Variants in ROBO1 observed in about 807,000 individuals in gnomAD.
ROBO1 encodes roundabout guidance receptor 1.
ROBO1 carries 149 observed loss-of-function variants against 195.9 expected under a neutral mutation model. The ratio of observed to expected loss-of-function variants is 0.76; its 90% CI spans 0.67 to 0.87. ROBO1 has a LOEUF of 0.87. Ranked by LOEUF, ROBO1 falls within the 40% of genes least tolerant of loss-of-function variation. ROBO1 has a pLI of 0.00. For missense variants in ROBO1, 1,933 were observed against 2,068.3 expected (o/e 0.93, Z 1.27); for synonymous variants, 816 against 733.2 (o/e 1.11, Z -1.82).
At chr3:79,517,555 A>C (rs528182315) in intron 2 of ROBO1, among the ~76,000 whole-genome samples, 1 of 152,092 alleles carries the variant, frequency 6.6e-6, no homozygotes, top group African/African-American at 2.4e-5. Context: ...CACCTCCTTC[A>C]TATCTGTGAC....
At chr3:79,590,008 A>G (rs940366032) in intron 1 of ROBO1, 47 bp from the exon 2 acceptor site, 3 of 777,580 alleles carry the variant, frequency 3.9e-6, no homozygotes, top group Non-Finnish European at 6.4e-6. Flanking sequence ...AGCTATGCTG[A>G]GAAACAATTA....
At position 79,428,196 on chromosome 3, in the gene ROBO1, A is replaced by T. The variant is rs1267439990; in HGVS notation, c.88+161628T>A. On this transcript the variant is annotated intron_variant, in intron 2 of 30. Coordinates refer to ENST00000464233, the MANE Select transcript of ROBO1 (RefSeq NM_002941.4). ...ATATAAGTGGCAAACAGGTATATAA[A>T]AAGGTGTCCAATAGAGGTATCAGAG... Among the ~76,000 whole-genome samples, 5 of 152,248 alleles carry T rather than the reference A, an allele frequency of 3.3e-5. No individual in the cohort carries two copies. The South Asian group carries it at 1.0e-3, about 32-fold the overall frequency.
chr3:79,695,551 G>GA (rs560496831), intron 1 of ROBO1, among the ~76,000 whole-genome samples: 2 of 151,332 alleles, frequency 1.3e-5, no homozygotes, highest in Non-Finnish European at 3.0e-5. Context: ...AAACAAAACA[G>GA]AAAACACCAA....
At chr3:78,988,317 C>T (rs2077159725) in intron 3 of ROBO1, among the ~76,000 whole-genome samples, 1 of 152,042 alleles carries the variant, frequency 6.6e-6, no homozygotes, top group Non-Finnish European at 1.5e-5. Context: ...CACAAAATTA[C>T]CAGACTTCTC....
chr3:78,644,103 C>T (rs1380226606), intron 21 of ROBO1, among the ~76,000 whole-genome samples: 2 of 151,968 alleles, frequency 1.3e-5, no homozygotes, highest in East Asian at 3.9e-4. Flanking sequence ...CCTCTCTGAT[C>T]TCACTAGATC....
At chr3:79,287,563 C>A (rs563747838) in intron 2 of ROBO1, among the ~76,000 whole-genome samples, 2 of 152,236 alleles carry the variant, frequency 1.3e-5, no homozygotes, top group African/African-American at 2.4e-5. Flanking sequence ...AACACAATGA[C>A]TAGTTATCCC....
chr3:79,735,625 C>T (rs1486393553), intron 1 of ROBO1, among the ~76,000 whole-genome samples: 1 of 152,136 alleles, frequency 6.6e-6, no homozygotes, highest in Non-Finnish European at 1.5e-5. Flanking sequence ...AATCCCAGCA[C>T]TTTGGGAGGC....
At chr3:78,903,678 T>C (rs2037723523) in intron 4 of ROBO1, among the ~76,000 whole-genome samples, 1 of 152,116 alleles carries the variant, frequency 6.6e-6, no homozygotes, top group African/African-American at 2.4e-5. Flanking sequence ...TCTTTATTTA[T>C]TCGACAGTTC....
chr3:78,648,681 TA>T lies in ROBO1; in HGVS notation c.2813-1027del, dbSNP rs199787334. 5.9e-3 allele frequency among the ~76,000 whole-genome samples: 803 copies of T among 135,638 alleles called. 1 individual carries two copies. The highest frequency in any genetic ancestry group is 9.9e-3 in the East Asian group (47 of 4,728). 89.0% of individuals were successfully genotyped at this position (135,638 alleles called of 152,430 possible). On this transcript the variant is annotated intron_variant, in intron 19 of 30. Transcript: ENST00000464233. ...AAATTAAAGTAAACGCTGCTCTGGT[TA>T]AAAAAAAAAAAAAGCAAGGAAATAT...
At chr3:79,257,849 C>CA (rs941073680) in intron 2 of ROBO1, among the ~76,000 whole-genome samples, 1 of 151,958 alleles carries the variant, frequency 6.6e-6, no homozygotes, top group African/African-American at 2.4e-5. Flanking sequence ...TCTCCTAAAC[C>CA]AAAAATGATG....
intron 4 of ROBO1, among the ~76,000 whole-genome samples, chr3:78,937,435 T>G (rs549492365): frequency 1.2e-4 from 18 of 152,064 alleles, no homozygotes; most frequent in African/African-American, 4.3e-4. Flanking sequence ...ATTTATATAG[T>G]TTTATAGAGA....
chr3:79,412,425 C>T (rs2037807635), intron 2 of ROBO1, among the ~76,000 whole-genome samples: 1 of 152,094 alleles, frequency 6.6e-6, no homozygotes, highest in Non-Finnish European at 1.5e-5. Flanking sequence ...CCCATCTATC[C>T]ATTCTGTAGC....
chr3:79,494,169 C>T (rs1415683244), intron 2 of ROBO1, among the ~76,000 whole-genome samples: 1 of 152,024 alleles, frequency 6.6e-6, no homozygotes, highest in Non-Finnish European at 1.5e-5. Context: ...CTCCCCACGC[C>T]CCATGCTCCA....
intron 1 of ROBO1, among the ~76,000 whole-genome samples, chr3:79,612,435 G>T (rs1259391104): frequency 6.6e-6 from 1 of 151,256 alleles, no homozygotes; most frequent in Non-Finnish European, 1.5e-5. Context: ...ATCATTGTTG[G>T]ACATTTGGGT....
intron 2 of ROBO1, among the ~76,000 whole-genome samples, chr3:79,523,735 A>G (rs1941312957): frequency 6.6e-6 from 1 of 152,088 alleles, no homozygotes; most frequent in Non-Finnish European, 1.5e-5. Context: ...TGGCCTCCCA[A>G]AGTGCTGGGA....
At chr3:79,014,989 A>T (rs2077887535) in intron 3 of ROBO1, among the ~76,000 whole-genome samples, 1 of 152,184 alleles carries the variant, frequency 6.6e-6, no homozygotes, top group Non-Finnish European at 1.5e-5. Context: ...AAAACGAAAA[A>T]TAAATGGTCA....
intron 4 of ROBO1, among the ~76,000 whole-genome samples, chr3:78,883,088 C>T (rs2036282613): frequency 6.6e-6 from 1 of 151,998 alleles, no homozygotes; most frequent in Non-Finnish European, 1.5e-5. Flanking sequence ...GCCGAGATTA[C>T]AAGCATAAGC....
intron 2 of ROBO1, among the ~76,000 whole-genome samples, chr3:79,300,132 C>T (rs1208260999): frequency 1.3e-5 from 2 of 152,202 alleles, no homozygotes; most frequent in African/African-American, 2.4e-5. Context: ...CTTGAGGAGC[C>T]CCTCAGCCCA....
chr3:79,084,280 C>A (rs948842135), intron 3 of ROBO1, among the ~76,000 whole-genome samples: 1 of 152,132 alleles, frequency 6.6e-6, no homozygotes, highest in Non-Finnish European at 1.5e-5. Flanking sequence ...GGGCGGATCA[C>A]CTGAGGTCAG....
Sources: allele counts gnomAD v4.1 joint callset (sites outside exome capture counted in the v4.1 genomes callset), GRCh38; gene constraint gnomAD v4.1.1; transcripts MANE v1.5; gene names NCBI Gene and HGNC (gene_info 2026-07-23, HGNC 2026-07-21).